Variants in GTF2E1 observed in about 807,000 individuals in gnomAD.
GTF2E1 encodes general transcription factor IIE subunit 1.
Under a neutral mutation model 34.9 loss-of-function variants are expected in GTF2E1, and 14 were observed. The ratio of observed to expected loss-of-function variants is 0.40; its 90% CI spans 0.27 to 0.63. GTF2E1 has a LOEUF of 0.63. Among genes scored for constraint, GTF2E1 ranks in the 20% least tolerant of loss-of-function variants. The probability of loss-of-function intolerance (pLI) is 0.39; values close to 1 mark genes in which losing one functional copy is unlikely to be tolerated. For missense variants in GTF2E1, 469 were observed against 557.7 expected (o/e 0.84, Z 1.60); for synonymous variants, 188 against 192.9 (o/e 0.97, Z 0.21).
At chr3:120,776,374 A>G in intron 3 of GTF2E1, 49 bp from the exon 4 acceptor site, 1 of 1,554,886 alleles carries the variant, frequency 6.4e-7, no homozygotes, top group Non-Finnish European at 8.7e-7. Context: ...TTCCAACACC[A>G]AGACATTAAT....
At chr3:120,774,575 A>G (rs1709382704) in intron 3 of GTF2E1, among the ~76,000 whole-genome samples, 1 of 152,112 alleles carries the variant, frequency 6.6e-6, no homozygotes, top group Admixed American at 6.6e-5. Context: ...GAATGCAGAA[A>G]GAAATAGCAG....
chr3:120,748,883 G>T (rs1057285691), intron 1 of GTF2E1, among the ~76,000 whole-genome samples: 1 of 152,186 alleles, frequency 6.6e-6, no homozygotes, highest in Non-Finnish European at 1.5e-5. Flanking sequence ...CTACCCATGA[G>T]CATGGAATGT....
At chr3:120,778,223 C>G (rs1272495061) in intron 4 of GTF2E1, among the ~76,000 whole-genome samples, 4 of 152,132 alleles carry the variant, frequency 2.6e-5, no homozygotes, top group Admixed American at 2.6e-4. Flanking sequence ...GTTTAACATT[C>G]TAGTTTACAG....
At chr3:120,774,197 A>G (rs1294066187) in intron 3 of GTF2E1, among the ~76,000 whole-genome samples, 1 of 152,126 alleles carries the variant, frequency 6.6e-6, no homozygotes, top group Admixed American at 6.6e-5. Flanking sequence ...AGGGAGAAAC[A>G]TTTTGGGGTG....
Position 120,776,596 on chromosome 3 carries a change from A to G in GTF2E1, c.824A>G (p.Lys275Arg), listed in dbSNP as rs2107613429. The G allele has an allele frequency of 6.2e-7, 1 of 1,613,692 alleles. No individual in the cohort carries two copies. Among genetic ancestry groups the G allele is most frequent in the Non-Finnish European group, 8.5e-7 (1 of 1,179,664 alleles). Residue 275 changes from lysine (K) to arginine (R), a missense_variant, in exon 4 of 5, where the codon AAA becomes AGA. By Grantham distance (26) the Lys-to-Arg change is conservative (BLOSUM62 2). Coordinates refer to ENST00000283875, the MANE Select transcript of GTF2E1 (RefSeq NM_005513.3). ...HRASLEGKSAKERPIWLREST... is the reference protein window; with the variant it reads ...HRASLEGKSARERPIWLREST... ...GCCTCACTGGAAGGGAAATCTGCCA[A>G]AGAGAGGCCTATTTGGTTGAGAGAA...
intron 2 of GTF2E1, among the ~76,000 whole-genome samples, chr3:120,754,019 C>G (rs1709188134): frequency 6.6e-6 from 1 of 152,146 alleles, no homozygotes; most frequent in Admixed American, 6.6e-5. Context: ...AGTGAATCAG[C>G]AAAATAACAT....
intron 2 of GTF2E1, among the ~76,000 whole-genome samples, chr3:120,762,645 T>G (rs1306245889): frequency 6.6e-6 from 1 of 152,200 alleles, no homozygotes; most frequent in African/African-American, 2.4e-5. Flanking sequence ...TTTCTAGAAG[T>G]TTTTTGGCTT....
intron 2 of GTF2E1, among the ~76,000 whole-genome samples, chr3:120,752,509 T>C (rs1227453153): frequency 6.6e-6 from 1 of 152,220 alleles, no homozygotes; most frequent in East Asian, 1.9e-4. Flanking sequence ...TACATTTATT[T>C]GTCATTTGAG....
intron 2 of GTF2E1, among the ~76,000 whole-genome samples, chr3:120,770,512 T>G (rs527342153): frequency 1.1e-4 from 16 of 152,314 alleles, no homozygotes; most frequent in Admixed American, 2.0e-4. Context: ...GAAATTACTT[T>G]GAATACATCA....
At chr3:120,754,872 A>G (rs17183618) in intron 2 of GTF2E1, among the ~76,000 whole-genome samples, 10 of 151,970 alleles carry the variant, frequency 6.6e-5, no homozygotes, top group African/African-American at 2.2e-4. Flanking sequence ...GTTCAACTCA[A>G]CAAATAATGT....
chr3:120,761,336 GTCTA>G (rs1559831887), intron 2 of GTF2E1, among the ~76,000 whole-genome samples: 1 of 152,100 alleles, frequency 6.6e-6, no homozygotes, highest in Non-Finnish European at 1.5e-5. Flanking sequence ...CTGGCTAGCA[GTCTA>G]TCTATTTTGT....
intron 2 of GTF2E1, among the ~76,000 whole-genome samples, chr3:120,764,630 A>G (rs965580659): frequency 2.6e-5 from 4 of 152,178 alleles, no homozygotes; most frequent in Non-Finnish European, 5.9e-5. Context: ...AGAGAGAAAA[A>G]TATAATGCTA....
In GTF2E1 at chr3:120,776,462, A is replaced by C. The variant is rs749868426; in HGVS notation, c.690A>C (p.Leu230=). 9.3e-6 allele frequency: 15 copies of C among 1,613,642 alleles called. 2 individuals are homozygous for C. In the South Asian group the frequency reaches 1.5e-4, roughly 17 times the overall value. ...HAATTAGAAS[L]AGGHHREAWA... is the part of the protein sequence containing the mutation. ...CAACTACTGCTGGAGCTGCTAGCCT[A>C]GCAGGTGGGCACCACCGGGAAGCAT... Residue 230 remains leucine (L), a synonymous_variant, in exon 4 of 5, where the codon CTA becomes CTC. Transcript: ENST00000283875.
At chr3:120,755,899 CAT>C (rs2107606944) in intron 2 of GTF2E1, among the ~76,000 whole-genome samples, 1 of 152,282 alleles carries the variant, frequency 6.6e-6, no homozygotes, top group South Asian at 2.1e-4. Context: ...TTTCACTTAA[CAT>C]AATGATTTCC....
At chr3:120,772,679 C>G (rs13090677) in intron 3 of GTF2E1, among the ~76,000 whole-genome samples, 1,962 of 152,164 alleles carry the variant, frequency 0.013, 23 homozygotes, top group Non-Finnish European at 0.019. Flanking sequence ...TATCTGATTG[C>G]TTCCTACACA....
At chr3:120,766,725 G>C (rs1317460895) in intron 2 of GTF2E1, among the ~76,000 whole-genome samples, 1 of 151,928 alleles carries the variant, frequency 6.6e-6, no homozygotes, top group African/African-American at 2.4e-5. Flanking sequence ...TTTTTGCACT[G>C]ATCCCTGATT....
At chr3:120,761,269 C>A (rs978235142) in intron 2 of GTF2E1, among the ~76,000 whole-genome samples, 22 of 151,914 alleles carry the variant, frequency 1.4e-4, no homozygotes, top group Admixed American at 1.4e-3. Context: ...GGTGATATCC[C>A]CTTTATCGTT....
At chr3:120,745,044 G>A (rs892228285) in intron 1 of GTF2E1, among the ~76,000 whole-genome samples, 3 of 151,942 alleles carry the variant, frequency 2.0e-5, no homozygotes, top group African/African-American at 4.8e-5. Context: ...TGGTACTACA[G>A]GTGCATGGCA....
intron 4 of GTF2E1, among the ~76,000 whole-genome samples, chr3:120,779,196 CGT>C (rs1709426770): frequency 6.6e-6 from 1 of 152,160 alleles, no homozygotes; most frequent in African/African-American, 2.4e-5. Flanking sequence ...AAATCTGTTA[CGT>C]GTGACTTAAT....
Sources: allele counts gnomAD v4.1 joint callset (sites outside exome capture counted in the v4.1 genomes callset), GRCh38; gene constraint gnomAD v4.1.1; transcripts MANE v1.5; gene names NCBI Gene and HGNC (gene_info 2026-07-23, HGNC 2026-07-21).